The following NEIL3 variants were observed in gnomAD, a reference collection of about 807,000 sequenced individuals.
The protein encoded by NEIL3 is endonuclease 8-like 3.
A neutral mutation model predicts 57.5 loss-of-function variants in NEIL3; 48 were observed. The ratio of observed to expected loss-of-function variants is 0.83; its 90% CI spans 0.66 to 1.06. The LOEUF (loss-of-function observed/expected upper bound fraction) is 1.06, where lower values mean the gene tolerates loss of function less well. NEIL3 is among the 50% of genes least tolerant of loss of function. NEIL3 has a pLI of 0.00. For missense variants in NEIL3, 717 were observed against 739.1 expected, an observed-to-expected ratio of 0.97 and a Z score of 0.35; for synonymous variants, 261 against 253.2, an observed-to-expected ratio of 1.03 and a Z score of -0.29.
At chr4:177,331,930 T>C (rs1734892941) in intron 2 of NEIL3, among the ~76,000 whole-genome samples, 1 of 152,256 alleles carries the variant, frequency 6.6e-6, no homozygotes, top group South Asian at 2.1e-4. Flanking sequence ...GGATGGTTTC[T>C]CTGTGTTGCT....
rs536934968 is a variant in NEIL3 at position 177,323,341 on chromosome 4, C to T, written c.278+761C>T. On this transcript the variant is annotated intron_variant, in intron 2 of 9. Coordinates refer to ENST00000264596, the MANE Select transcript of NEIL3 (RefSeq NM_018248.3). The stretch of plus-strand genomic sequence containing the variant: ...TCGTTTTTAGTGCTGTTTAAAGATA[C>T]TGACCACAGTTATCACCTTTTTCTT... 2.0e-5 allele frequency among the ~76,000 whole-genome samples: 3 copies of T among 152,302 alleles called. No homozygotes were observed. In the South Asian group the frequency reaches 6.2e-4, roughly 32 times the overall value.
At chr4:177,343,322 C>A (rs1003375111) in intron 6 of NEIL3, 2 of 152,160 alleles carry the variant, frequency 1.3e-5, no homozygotes, top group African/African-American at 4.8e-5. Flanking sequence ...TGAAGCATTC[C>A]AACTTCTCAG....
intron 6 of NEIL3, chr4:177,343,122 G>C (rs532035727): frequency 7.9e-5 from 12 of 152,250 alleles, no homozygotes; most frequent in Admixed American, 5.9e-4. Context: ...GATTTGATAG[G>C]TAGGATGATG....
At chr4:177,349,330 G>A in intron 6 of NEIL3, among the ~76,000 whole-genome samples, 1 of 152,092 alleles carries the variant, frequency 6.6e-6, no homozygotes, top group Non-Finnish European at 1.5e-5. Flanking sequence ...CAAAATTAAG[G>A]TGTGGGTAGG....
At position 177,336,382 on chromosome 4, in the gene NEIL3, G is replaced by A. The variant is rs145835791; in HGVS notation, c.627+61G>A. ...TTTTCGGTACTGTGAAGGAACCAAC[G>A]TGGAAGCCTTAACTCTGCATTTCAG... On this transcript the variant is annotated intron_variant, in intron 4 of 9. Coordinates refer to ENST00000264596, the MANE Select transcript of NEIL3 (RefSeq NM_018248.3). 3,597 of 1,303,796 alleles carry A rather than the reference G, an allele frequency of 2.8e-3. 10 individuals are homozygous for A. Among genetic ancestry groups the A allele is most frequent in the Non-Finnish European group, 2.9e-3 (2,612 of 911,942 alleles). The allele number at this position is 1,303,796 out of a possible 1,614,324, so 80.8% of individuals were successfully genotyped here.
At position 177,336,096 on chromosome 4, in the gene NEIL3, T is replaced by G. The variant is rs1017593128; in HGVS notation, c.414-12T>G. ...GACTTATGATTAATGTGTTTTATAT[T>G]CCTTTCTATAGAAACTCAATGGAAA... On this transcript the variant is annotated splice_polypyrimidine_tract_variant and intron_variant, in intron 3 of 9. Coordinates refer to ENST00000264596, the MANE Select transcript of NEIL3 (RefSeq NM_018248.3). The G allele has an allele frequency of 3.8e-6, 6 of 1,581,314 alleles. No individual in the cohort carries two copies. In the African/African-American group the frequency reaches 8.1e-5, roughly 21 times the overall value.
chr4:177,318,474 TG>T (rs1163772134), intron 1 of NEIL3, among the ~76,000 whole-genome samples: 1 of 152,224 alleles, frequency 6.6e-6, no homozygotes, highest in Non-Finnish European at 1.5e-5. Flanking sequence ...GTTTTGATAA[TG>T]GGGCAGTTGT....
intron 4 of NEIL3, among the ~76,000 whole-genome samples, chr4:177,337,116 G>A (rs1578996266): frequency 6.6e-6 from 1 of 151,918 alleles, no homozygotes; most frequent in African/African-American, 2.4e-5. Flanking sequence ...GTGGTTAAAG[G>A]GCAGAGGTTA....
intron 4 of NEIL3, among the ~76,000 whole-genome samples, chr4:177,339,044 A>G (rs1437717589): frequency 6.6e-6 from 1 of 152,202 alleles, no homozygotes; most frequent in African/African-American, 2.4e-5. Context: ...ATGGTACTAA[A>G]TAGATCCGTA....
intron 2 of NEIL3, among the ~76,000 whole-genome samples, chr4:177,325,675 C>G (rs1734766832): frequency 6.6e-6 from 1 of 152,066 alleles, no homozygotes; most frequent in Non-Finnish European, 1.5e-5. Flanking sequence ...TTCTCACCAG[C>G]AGAGTATGAG....
chr4:177,310,985 G>A (rs1424659373), intron 1 of NEIL3, among the ~76,000 whole-genome samples: 1 of 152,064 alleles, frequency 6.6e-6, no homozygotes, highest in African/African-American at 2.4e-5. Flanking sequence ...TTTCAAACTT[G>A]GGAAAAAATA....
intron 8 of NEIL3, among the ~76,000 whole-genome samples, chr4:177,356,526 T>C (rs1189346345): frequency 6.6e-6 from 1 of 152,242 alleles, no homozygotes; most frequent in African/African-American, 2.4e-5. Context: ...TTCATTTTTC[T>C]CCTTGTCTGG....
chr4:177,329,022 T>C (rs1734833816), intron 2 of NEIL3, among the ~76,000 whole-genome samples: 1 of 152,182 alleles, frequency 6.6e-6, no homozygotes, highest in South Asian at 2.1e-4. Context: ...AAGATTTGCA[T>C]ATCGTTTGAA....
rs144742737 is a variant in NEIL3, at chr4:177,360,558, C to T, written c.1516C>T (p.Arg506Cys). 190 of 1,613,992 alleles carry T rather than the reference C, an allele frequency of 1.2e-4. No homozygotes were observed. In the African/African-American group the frequency reaches 1.8e-3, roughly 16 times the overall value. ...GPRTLNPDSP[R>C]CSKHNRLCIL... ...TCGTACCTTAAATCCTGACAGCCCT[C>T]GCTGCAGTAAACACAACCGCCTCTG... is the stretch of plus-strand genomic sequence containing the variant. Residue 506 changes from arginine to cysteine, a missense_variant, in exon 9 of 10, where the codon CGC becomes TGC. Transcript: ENST00000264596.
chr4:177,367,015 G>T (rs981202324), downstream of NEIL3, among the ~76,000 whole-genome samples: 3 of 152,126 alleles, frequency 2.0e-5, no homozygotes, highest in Admixed American at 6.5e-5. Context: ...AATTTCTGGG[G>T]TTTTTTTGCT....
intron 8 of NEIL3, among the ~76,000 whole-genome samples, chr4:177,360,041 T>A (rs539850181): frequency 6.6e-6 from 1 of 152,342 alleles, no homozygotes; most frequent in East Asian, 1.9e-4. Context: ...GTGATTTCTA[T>A]GGCCTTGTCA....
At chr4:177,317,238 A>T (rs1195715524) in intron 1 of NEIL3, among the ~76,000 whole-genome samples, 1 of 152,200 alleles carries the variant, frequency 6.6e-6, no homozygotes, top group Non-Finnish European at 1.5e-5. Flanking sequence ...ATCATATTGT[A>T]TGTTGTTTTT....
In NEIL3 at chr4:177,351,483, G is replaced by A. The variant is rs779364575; in HGVS notation, c.973G>A (p.Val325Met). 3.1e-6 allele frequency: 5 copies of A among 1,614,016 alleles called. No individual in the cohort carries two copies. The South Asian group carries it at 3.3e-5, about 11-fold the overall frequency. Residue 325 changes from valine to methionine, a missense_variant, in exon 7 of 10, where the codon GTG becomes ATG. Physicochemically the swap from Val to Met is conservative, Grantham distance 21. Coordinates refer to ENST00000264596, the MANE Select transcript of NEIL3 (RefSeq NM_018248.3). ...GTCGGAAGAGCACTGGACCTGTGTG[G>A]TGTGTACTTTAATCAATAAGCCCTC... Reference protein sequence around the residue: ...RKSEEHWTCVVCTLINKPSSK... With the variant: ...RKSEEHWTCVMCTLINKPSSK...
At chr4:177,310,632 A>G (rs1560905074) in intron 1 of NEIL3, among the ~76,000 whole-genome samples, 1 of 152,246 alleles carries the variant, frequency 6.6e-6, no homozygotes, top group Non-Finnish European at 1.5e-5. Context: ...CCATCTAATT[A>G]AGGGGCAATG....
Sources: allele counts gnomAD v4.1 joint callset (sites outside exome capture counted in the v4.1 genomes callset), GRCh38; gene constraint gnomAD v4.1.1; transcripts MANE v1.5; gene names NCBI Gene and HGNC (gene_info 2026-07-23, HGNC 2026-07-21).